Variants in PCDH15 observed in about 807,000 individuals in gnomAD.
PCDH15 encodes protocadherin-15.
PCDH15 carries 129 observed loss-of-function variants against 178.5 expected under a neutral mutation model. The observed-to-expected ratio is 0.72, with a 90% confidence interval of 0.63 to 0.84. PCDH15 has a LOEUF of 0.84. PCDH15 is among the 40% of genes least tolerant of loss of function. The pLI is 0.00. For synonymous variants in PCDH15, 800 were observed against 732.0 expected, an observed-to-expected ratio of 1.09 and a Z score of -1.50; for missense variants, 2,230 against 2,099.9, an observed-to-expected ratio of 1.06 and a Z score of -1.21.
chr10:54,313,912 G>C (rs373207799), intron 8 of PCDH15, among the ~76,000 whole-genome samples: 1 of 152,134 alleles, frequency 6.6e-6, no homozygotes. Flanking sequence ...TTTTCAAGCA[G>C]CAGTCTCTAT....
intron 2 of PCDH15, among the ~76,000 whole-genome samples, chr10:54,998,096 ATATGTTCT>A (rs1206654260): frequency 1.3e-5 from 2 of 152,138 alleles, no homozygotes; most frequent in Non-Finnish European, 2.9e-5. Context: ...GCCAAAGAAG[ATATGTTCT>A]TATTGAAAAA....
chr10:55,256,897 T>C (rs1187067536), intron 1 of PCDH15, among the ~76,000 whole-genome samples: 1 of 152,166 alleles, frequency 6.6e-6, no homozygotes, highest in Non-Finnish European at 1.5e-5. Flanking sequence ...AGTACGCAGC[T>C]GGAGATCTGA....
At chr10:54,616,600 T>A (rs6481110) in intron 2 of PCDH15, among the ~76,000 whole-genome samples, 140,017 of 151,824 alleles carry the variant, frequency 0.92, 65,287 homozygotes, top group Non-Finnish European at 0.99. Context: ...CTGATTTTTT[T>A]AAAAAATTAA....
intron 32 of PCDH15, among the ~76,000 whole-genome samples, chr10:53,820,598 C>CACTT (rs1240029881): frequency 2.6e-5 from 4 of 152,088 alleles, no homozygotes; most frequent in East Asian, 1.9e-4. Flanking sequence ...TTGTTTTAAA[C>CACTT]ACTTACATGT....
At chr10:54,500,704 C>T (rs2080591897) in intron 3 of PCDH15, among the ~76,000 whole-genome samples, 1 of 151,982 alleles carries the variant, frequency 6.6e-6, no homozygotes, top group Admixed American at 6.6e-5. Flanking sequence ...GTGGTGCACG[C>T]CTGTAATTCC....
At chr10:55,202,838 C>T (rs1840292526) in intron 1 of PCDH15, among the ~76,000 whole-genome samples, 1 of 152,104 alleles carries the variant, frequency 6.6e-6, no homozygotes, top group South Asian at 2.1e-4. Context: ...CTCTCTCCTG[C>T]CTGCTGTGAA....
At chr10:54,610,412 A>T (rs1377003537) in intron 2 of PCDH15, among the ~76,000 whole-genome samples, 1 of 151,926 alleles carries the variant, frequency 6.6e-6, no homozygotes, top group Non-Finnish European at 1.5e-5. Flanking sequence ...GTACGTTTTA[A>T]CCATTTTATA....
chr10:54,671,588 T>C lies in PCDH15; in HGVS notation c.-28-7298A>G, dbSNP rs918446488. On this transcript the variant is annotated intron_variant, in intron 1 of 37. Transcript: ENST00000644397. ...GACAATAAAATCCATTTTATTCTTC[T>C]GTAATTGACAGATGAAAATTTGAAC... 2.6e-5 allele frequency among the ~76,000 whole-genome samples: 4 copies of C among 152,304 alleles called. No individual in the cohort carries two copies. In the East Asian group the frequency reaches 7.7e-4, roughly 29 times the overall value.
At chr10:55,060,838 A>T (rs1455496923) in intron 2 of PCDH15, among the ~76,000 whole-genome samples, 4 of 152,132 alleles carry the variant, frequency 2.6e-5, no homozygotes, top group Admixed American at 2.6e-4. Context: ...AGCCATTTCA[A>T]CTTAGGGCAT....
intron 2 of PCDH15, among the ~76,000 whole-genome samples, chr10:54,925,431 T>C (rs1252244033): frequency 1.3e-5 from 2 of 151,994 alleles, no homozygotes; most frequent in African/African-American, 4.8e-5. Flanking sequence ...TTCAGGCGTT[T>C]TTTTTTGTTT....
intron 2 of PCDH15, among the ~76,000 whole-genome samples, chr10:55,380,374 G>A (rs1301011446): frequency 6.6e-6 from 1 of 152,166 alleles, no homozygotes; most frequent in African/African-American, 2.4e-5. Context: ...GTGTACTTAT[G>A]AGAGACAATT....
At chr10:55,062,696 T>G (rs961934323) in intron 2 of PCDH15, among the ~76,000 whole-genome samples, 1 of 152,128 alleles carries the variant, frequency 6.6e-6, no homozygotes, top group African/African-American at 2.4e-5. Flanking sequence ...ACCCATATAA[T>G]GTACAGCACT....
chr10:54,024,727 T>G (rs1272506567), intron 18 of PCDH15, among the ~76,000 whole-genome samples: 2 of 152,166 alleles, frequency 1.3e-5, no homozygotes, highest in African/African-American at 4.8e-5. Flanking sequence ...TAGAATAGTT[T>G]CTGTTGATAT....
chr10:55,601,198 A>C (rs1445426549), intron 2 of PCDH15, among the ~76,000 whole-genome samples: 1 of 152,228 alleles, frequency 6.6e-6, no homozygotes, highest in Non-Finnish European at 1.5e-5. Context: ...AATAAAATGC[A>C]GAAGTGCTGT....
At chr10:55,389,380 T>C (rs935906520) in intron 2 of PCDH15, among the ~76,000 whole-genome samples, 2 of 152,098 alleles carry the variant, frequency 1.3e-5, no homozygotes, top group African/African-American at 2.4e-5. Context: ...ACTCAAATAT[T>C]GTTGCTAAAT....
At chr10:55,298,076 G>A (rs1191743615) in intron 1 of PCDH15, among the ~76,000 whole-genome samples, 1 of 152,116 alleles carries the variant, frequency 6.6e-6, no homozygotes, top group Admixed American at 6.6e-5. Flanking sequence ...GCCACACAGA[G>A]CTCCCGGACA....
intron 2 of PCDH15, among the ~76,000 whole-genome samples, chr10:55,109,550 A>C (rs904456825): frequency 2.0e-5 from 3 of 152,136 alleles, no homozygotes; most frequent in African/African-American, 7.2e-5. Flanking sequence ...CAAATGAAAA[A>C]TTGCTCATTT....
intron 2 of PCDH15, among the ~76,000 whole-genome samples, chr10:55,327,626 A>G: frequency 6.6e-6 from 1 of 151,894 alleles, no homozygotes; most frequent in East Asian, 1.9e-4. Flanking sequence ...TTTTCAGAGT[A>G]AAAAAAATCA....
At chr10:54,511,932 C>A (rs71492613) in intron 3 of PCDH15, among the ~76,000 whole-genome samples, 6,797 of 151,714 alleles carry the variant, frequency 0.045, 217 homozygotes, top group Non-Finnish European at 0.064. Context: ...TGGACACTAA[C>A]CAAACATTTA....
Sources: gnomAD v4.1 joint callset for allele counts (sites outside exome capture counted in the v4.1 genomes callset) on GRCh38, gnomAD v4.1.1 for gene constraint, MANE v1.5 for transcripts, NCBI Gene and HGNC (gene_info 2026-07-23, HGNC 2026-07-21) for gene names.